The following NOD1 variants were observed in gnomAD, a reference collection of about 807,000 sequenced individuals.
NOD1 encodes nucleotide-binding oligomerization domain-containing protein 1.
NOD1 carries 70 observed loss-of-function variants against 81.2 expected under a neutral mutation model. That is an observed-to-expected ratio of 0.86 (90% CI 0.71 to 1.05). The LOEUF (loss-of-function observed/expected upper bound fraction) is 1.05, where lower values mean the gene tolerates loss of function less well. Ranked by LOEUF, NOD1 falls within the 50% of genes least tolerant of loss-of-function variation. NOD1 has a pLI of 0.00. For synonymous variants in NOD1, 508 were observed against 526.9 expected, an observed-to-expected ratio of 0.96 and a Z score of 0.49; for missense variants, 1,233 against 1,228.0, an observed-to-expected ratio of 1.00 and a Z score of -0.06.
intron 1 of NOD1, chr7:30,468,732 C>T (rs1268708372): frequency 1.3e-6 from 1 of 770,268 alleles, no homozygotes; most frequent in Non-Finnish European, 1.6e-6. Context: ...ACATAACTGG[C>T]ACACATATAC....
intron 10 of NOD1, 89 bp from the exon 11 acceptor site, chr7:30,436,170 C>G: frequency 9.3e-7 from 1 of 1,076,988 alleles, no homozygotes; most frequent in East Asian, 2.4e-5. Flanking sequence ...GAAGCCTCTG[C>G]CTGGCTGTGG....
chr7:30,439,191 A>C (rs999734491), intron 9 of NOD1, among the ~76,000 whole-genome samples: 1 of 152,198 alleles, frequency 6.6e-6, no homozygotes, highest in Admixed American at 6.5e-5. Context: ...AAAATTAAAA[A>C]TTACCATGTG....
At chr7:30,429,870 A>T (rs1279262708) in intron 12 of NOD1, among the ~76,000 whole-genome samples, 1 of 152,092 alleles carries the variant, frequency 6.6e-6, no homozygotes. Context: ...AATACAAAAA[A>T]ATTAGCTGGG....
chr7:30,472,873 C>T (rs2128107317), intron 1 of NOD1, among the ~76,000 whole-genome samples: 1 of 152,372 alleles, frequency 6.6e-6, no homozygotes, highest in South Asian at 2.1e-4. Context: ...GACATCCTCT[C>T]CACCCGGCAG....
Position 30,425,309 on chromosome 7 carries a change from G to A in NOD1, c.*329C>T, listed in dbSNP as rs1337564647. The A allele has an allele frequency of 6.8e-6, 2 of 294,674 alleles. No individual in the cohort carries two copies. Among genetic ancestry groups the A allele is most frequent in the Non-Finnish European group, 1.3e-5 (2 of 155,736 alleles). The allele number at this position is 294,674 out of a possible 1,614,324, so 18.3% of individuals were successfully genotyped here. A position where few individuals can be genotyped will look rare whatever the true frequency, so the allele number is the denominator to read the frequency against. On this transcript the variant is annotated 3_prime_UTR_variant, in exon 14 of 14. Transcript: ENST00000222823. Reference sequence around the variant, plus strand: ...ATGGCAGGTGTTGGAATGAGGTGAGGCTGGCCTCCTCTGTTTGCTCACAGC... The same window carrying A: ...ATGGCAGGTGTTGGAATGAGGTGAGACTGGCCTCCTCTGTTTGCTCACAGC...
At chr7:30,470,298 G>A (rs1040303786) in intron 1 of NOD1, among the ~76,000 whole-genome samples, 14 of 152,300 alleles carry the variant, frequency 9.2e-5, no homozygotes, top group African/African-American at 2.9e-4. Flanking sequence ...AGTAAGCACC[G>A]GCCGTGACCT....
chr7:30,477,336 C>T (rs923418116), intron 1 of NOD1, among the ~76,000 whole-genome samples: 2 of 152,192 alleles, frequency 1.3e-5, no homozygotes, highest in African/African-American at 2.4e-5. Context: ...AGCTACCTGG[C>T]CCCTGGCATC....
intron 1 of NOD1, among the ~76,000 whole-genome samples, chr7:30,473,174 T>A (rs754244211): frequency 6.6e-6 from 1 of 152,176 alleles, no homozygotes; most frequent in Non-Finnish European, 1.5e-5. Flanking sequence ...CTCACTCAAC[T>A]GAGAATTTGC....
chr7:30,462,869 A>C (rs949278946), intron 1 of NOD1, among the ~76,000 whole-genome samples: 1 of 151,840 alleles, frequency 6.6e-6, no homozygotes, highest in African/African-American at 2.4e-5. Flanking sequence ...GAATTGGTTG[A>C]ATCCGGGAGG....
chr7:30,427,847 C>A (rs1374526804), intron 13 of NOD1, among the ~76,000 whole-genome samples: 1 of 152,264 alleles, frequency 6.6e-6, no homozygotes, highest in Non-Finnish European at 1.5e-5. Flanking sequence ...CAACTGTGCT[C>A]TGCAAACTGT....
At position 30,452,883 on chromosome 7, in the gene NOD1, G is replaced by A. The variant is rs372032301; in HGVS notation, c.534C>T (p.Asn178=). 4.3e-6 allele frequency: 7 copies of A among 1,614,098 alleles called. No individual in the cohort carries two copies. The highest frequency in any genetic ancestry group is 5.9e-6 in the Non-Finnish European group (7 of 1,180,030). Residue 178 remains asparagine (N), a synonymous_variant, in exon 6 of 14, where the codon AAC becomes AAT. Coordinates refer to ENST00000222823, the MANE Select transcript of NOD1 (RefSeq NM_006092.4). ...GFSNESLGSL[N]SLACLLDHTT... is the part of the protein sequence containing the mutation. ...TGTGGTCCAGGAGGCAGGCCAGGCT[G>A]TTCAGGCTGCCCAGGCTCTCATTGC...
intron 1 of NOD1, among the ~76,000 whole-genome samples, chr7:30,462,369 T>TACTAAA (rs1787184987): frequency 1.3e-5 from 2 of 151,942 alleles, no homozygotes; most frequent in Non-Finnish European, 2.9e-5. Flanking sequence ...AACTTTCTAT[T>TACTAAA]TAGTAACTTC....
At chr7:30,461,403 C>A (rs767380927) in intron 1 of NOD1, among the ~76,000 whole-genome samples, 3 of 152,192 alleles carry the variant, frequency 2.0e-5, no homozygotes, top group Non-Finnish European at 4.4e-5. Context: ...GTCTTGAACT[C>A]CTGGCCTCAA....
At chr7:30,468,547 G>A (rs546226365) in intron 1 of NOD1, among the ~76,000 whole-genome samples, 37 of 151,980 alleles carry the variant, frequency 2.4e-4, no homozygotes, top group Non-Finnish European at 4.9e-4. Flanking sequence ...GGGCTTCTCA[G>A]ACATTCTGCC....
intron 1 of NOD1, chr7:30,463,819 T>C (rs1033668373): frequency 1.3e-5 from 2 of 151,598 alleles, no homozygotes; most frequent in Non-Finnish European, 2.9e-5. Context: ...ACTTGGGAAA[T>C]GCAAAAAAAA....
chr7:30,474,332 G>T (rs1788555775), intron 1 of NOD1, among the ~76,000 whole-genome samples: 1 of 152,222 alleles, frequency 6.6e-6, no homozygotes, highest in South Asian at 2.1e-4. Flanking sequence ...AAGCATTATT[G>T]TAACTAGTTT....
chr7:30,448,442 AATC>A, intron 6 of NOD1, 61 bp from the exon 7 acceptor site: 1 of 1,370,638 alleles, frequency 7.3e-7, no homozygotes, highest in East Asian at 2.3e-5. Context: ...AAGGACCATT[AATC>A]TTACAAAGAT....
rs765475668 is a variant in NOD1, at chr7:30,456,718, C to T, written c.201+3G>A. On this transcript the variant is annotated splice_donor_region_variant and intron_variant, in intron 4 of 13. Coordinates refer to ENST00000222823, the MANE Select transcript of NOD1 (RefSeq NM_006092.4). ...GCCATGCCCGTCCCTGTCCCCGGGG[C>T]ACCTTGTCAGGCTGGGTGGGGCAGG... The T allele has an allele frequency of 4.3e-6, 7 of 1,613,630 alleles. No homozygotes were observed. The South Asian group carries it at 6.6e-5, about 15-fold the overall frequency.
rs1381698098 is a variant in NOD1 at position 30,437,673 on chromosome 7, G to A, written c.2454-17C>T. 2.8e-5 allele frequency: 42 copies of A among 1,497,254 alleles called. No homozygotes were observed. Among genetic ancestry groups the A allele is most frequent in the Non-Finnish European group, 3.5e-5 (39 of 1,128,792 alleles). The allele number at this position is 1,497,254 out of a possible 1,614,324, so 92.7% of individuals were successfully genotyped here. On this transcript the variant is annotated splice_polypyrimidine_tract_variant and intron_variant, in intron 9 of 13. Coordinates refer to ENST00000222823, the MANE Select transcript of NOD1 (RefSeq NM_006092.4). The stretch of plus-strand genomic sequence containing the variant: ...CCCCACATCCTGAGGGAGGAGACAA[G>A]ATAGTGAATGTTAGCTCCCCAAGAA...
Sources: gnomAD v4.1 joint callset for allele counts (sites outside exome capture counted in the v4.1 genomes callset) on GRCh38, gnomAD v4.1.1 for gene constraint, MANE v1.5 for transcripts, NCBI Gene and HGNC (gene_info 2026-07-23, HGNC 2026-07-21) for gene names.